The following PCNX1 variants were observed in gnomAD, a reference collection of about 807,000 sequenced individuals.
PCNX1 encodes pecanex 1, also known as pecanex-like protein 1.
PCNX1 carries 78 observed loss-of-function variants against 242.2 expected under a neutral mutation model. That is an observed-to-expected ratio of 0.32 (90% CI 0.27 to 0.39). The LOEUF is 0.39. Among genes scored for constraint, PCNX1 ranks in the 10% least tolerant of loss-of-function variants. PCNX1 has a pLI of 1.00. For missense variants in PCNX1, 2,581 were observed against 2,856.5 expected (o/e 0.90, Z 2.20); for synonymous variants, 1,024 against 1,032.9 (o/e 0.99, Z 0.17).
intron 21 of PCNX1, among the ~76,000 whole-genome samples, 187 bp downstream of exon 21, chr14:71,047,292 G>A (rs1417920980): frequency 1.3e-5 from 2 of 152,012 alleles, no homozygotes; most frequent in East Asian, 1.9e-4. Flanking sequence ...GGCATATTCT[G>A]TACTCCAGAC....
At chr14:71,083,327 G>A (rs1418736525) in intron 28 of PCNX1, among the ~76,000 whole-genome samples, 1 of 152,040 alleles carries the variant, frequency 6.6e-6, no homozygotes, top group Non-Finnish European at 1.5e-5. Flanking sequence ...ACGATTATGT[G>A]TCTTGGGGTT....
At chr14:70,910,052 TCCTCCTCCTCCC>T (rs2055769790) in intron 1 of PCNX1, among the ~76,000 whole-genome samples, 1 of 31,642 alleles carries the variant, frequency 3.2e-5, no homozygotes, top group African/African-American at 1.3e-4. Context: ...CTCCTCCTCC[TCCTCCTCCTCCC>T]CCTCCTCCTC....
At chr14:71,016,915 A>G (rs185628177) in intron 11 of PCNX1, among the ~76,000 whole-genome samples, 1 of 152,328 alleles carries the variant, frequency 6.6e-6, no homozygotes, top group Non-Finnish European at 1.5e-5. Context: ...AATCAAGGAA[A>G]TGAAAAGTTT....
intron 13 of PCNX1, among the ~76,000 whole-genome samples, chr14:71,025,591 C>T (rs1566715869): frequency 6.6e-6 from 1 of 151,974 alleles, no homozygotes; most frequent in Non-Finnish European, 1.5e-5. Flanking sequence ...ATATATTACC[C>T]ATTCCTATAT....
At chr14:70,925,971 T>C (rs1482159541) in intron 1 of PCNX1, among the ~76,000 whole-genome samples, 3 of 152,204 alleles carry the variant, frequency 2.0e-5, no homozygotes, top group Non-Finnish European at 4.4e-5. Flanking sequence ...TGTGATTGAT[T>C]TGACATGAAC....
At chr14:71,082,727 T>G (rs1056533585) in intron 28 of PCNX1, among the ~76,000 whole-genome samples, 37 of 152,214 alleles carry the variant, frequency 2.4e-4, no homozygotes, top group African/African-American at 8.4e-4. Context: ...CCCTTTATTT[T>G]GAGCCTATGT....
intron 1 of PCNX1, among the ~76,000 whole-genome samples, chr14:70,924,962 A>G (rs2056529109): frequency 6.6e-6 from 1 of 151,990 alleles, no homozygotes; most frequent in Admixed American, 6.6e-5. Context: ...TATATTTGTA[A>G]ATAACAGTTT....
chr14:70,928,964 CATAGG>C (rs2056688825), intron 1 of PCNX1, among the ~76,000 whole-genome samples: 1 of 152,162 alleles, frequency 6.6e-6, no homozygotes, highest in Non-Finnish European at 1.5e-5. Flanking sequence ...CATTTCAACA[CATAGG>C]ATAGGATGAG....
At chr14:71,031,673 G>T in intron 16 of PCNX1, 2 of 728,148 alleles carry the variant, frequency 2.7e-6, no homozygotes, top group Admixed American at 1.9e-5. Flanking sequence ...AGTAGGTCCT[G>T]CTCACGTCTG....
intron 28 of PCNX1, among the ~76,000 whole-genome samples, chr14:71,086,569 A>G (rs778652542): frequency 6.6e-6 from 1 of 152,226 alleles, no homozygotes; most frequent in Non-Finnish European, 1.5e-5. Context: ...TGACCAAGAC[A>G]ATGCCATCCT....
At chr14:71,031,307 C>T (rs1183755413) in intron 16 of PCNX1, among the ~76,000 whole-genome samples, 1 of 152,242 alleles carries the variant, frequency 6.6e-6, no homozygotes, top group African/African-American at 2.4e-5. Flanking sequence ...CCCTTCCTAG[C>T]ACTTGGTGTG....
intron 8 of PCNX1, among the ~76,000 whole-genome samples, chr14:71,006,090 T>C (rs973635161): frequency 7.1e-6 from 1 of 140,112 alleles, no homozygotes; most frequent in African/African-American, 2.7e-5. Flanking sequence ...ACCCAGCTAG[T>C]ACGTGTGTGT....
At chr14:71,053,463 G>T in intron 24 of PCNX1, 1 of 346,452 alleles carries the variant, frequency 2.9e-6, no homozygotes, top group Non-Finnish European at 5.6e-6. Flanking sequence ...GATTACAGGC[G>T]CCCACCAGCA....
intron 1 of PCNX1, among the ~76,000 whole-genome samples, chr14:70,919,710 C>T (rs368127148): frequency 0.031 from 68 of 2,226 alleles, no homozygotes; most frequent in Non-Finnish European, 0.062. Context: ...TTTCTCTGCT[C>T]CCCCCCCCCC....
intron 26 of PCNX1, among the ~76,000 whole-genome samples, chr14:71,064,150 TC>T (rs1347966474): frequency 6.6e-6 from 1 of 152,144 alleles, no homozygotes; most frequent in Non-Finnish European, 1.5e-5. Flanking sequence ...ATTTAGGTAA[TC>T]CAGGGAACAG....
At chr14:70,987,410 C>T (rs1389940998) in intron 6 of PCNX1, among the ~76,000 whole-genome samples, 1 of 152,130 alleles carries the variant, frequency 6.6e-6, no homozygotes, top group East Asian at 1.9e-4. Context: ...TGGCTAATGG[C>T]TACTGCATTG....
At chr14:70,950,429 T>C (rs1197262185) in intron 2 of PCNX1, among the ~76,000 whole-genome samples, 1 of 152,170 alleles carries the variant, frequency 6.6e-6, no homozygotes, top group East Asian at 1.9e-4. Flanking sequence ...TCAATCATTT[T>C]GAAATTTAAA....
intron 23 of PCNX1, 148 bp from the exon 24 acceptor site, chr14:71,051,735 C>T (rs2061041337): frequency 1.5e-6 from 1 of 688,972 alleles, no homozygotes; most frequent in East Asian, 2.7e-5. Flanking sequence ...TTAATGACTG[C>T]CCAGTGATAT....
At position 71,011,568 on chromosome 14, in the gene PCNX1, T is replaced by G; in HGVS notation, c.2778+19T>G. On this transcript the variant is annotated intron_variant, in intron 10 of 35. Transcript: ENST00000304743. Reference sequence around the variant, plus strand: ...TGATGTGGTAGGTTTTTCTTTATTTTTACAACATGATAAATTTTCAGATTA... The same window carrying G: ...TGATGTGGTAGGTTTTTCTTTATTTGTACAACATGATAAATTTTCAGATTA... 7.4e-7 allele frequency: 1 copy of G among 1,347,732 alleles called. No individual in the cohort carries two copies. Among genetic ancestry groups the G allele is most frequent in the African/African-American group, 1.4e-5 (1 of 69,052 alleles). 83.5% of individuals were successfully genotyped at this position (1,347,732 alleles called of 1,614,324 possible). A position where few individuals can be genotyped will look rare whatever the true frequency, so the allele number is the denominator to read the frequency against.
Sources: allele counts gnomAD v4.1 joint callset (sites outside exome capture counted in the v4.1 genomes callset), GRCh38; gene constraint gnomAD v4.1.1; transcripts MANE v1.5; gene names NCBI Gene and HGNC (gene_info 2026-07-23, HGNC 2026-07-21).